Variants in PKD1 observed in about 807,000 individuals in gnomAD.
The protein encoded by PKD1 is polycystin-1.
PKD1 carries 81 observed loss-of-function variants against 361.7 expected under a neutral mutation model. The observed-to-expected ratio is 0.22, with a 90% CI of 0.19 to 0.27. The LOEUF (loss-of-function observed/expected upper bound fraction) is 0.27, where lower values mean the gene tolerates loss of function less well. Ranked by LOEUF, PKD1 falls within the 10% of genes least tolerant of loss-of-function variation. The pLI is 1.00. For synonymous variants in PKD1, 3,615 were observed against 2,818.3 expected (o/e 1.28, Z -8.95); for missense variants, 6,399 against 6,118.3 (o/e 1.05, Z -1.53).
chr16:2,097,587 G>A (rs2151727694), intron 32 of PKD1, 84 bp from the exon 33 acceptor site: 14 of 1,608,562 alleles, frequency 8.7e-6, no homozygotes, highest in East Asian at 2.2e-5. Flanking sequence ...CGGACACCCT[G>A]GGCTTCCGAG....
chr16:2,104,158 G>A (rs866332909), intron 22 of PKD1, among the ~76,000 whole-genome samples: 6 of 9,560 alleles, frequency 6.3e-4, no homozygotes, highest in South Asian at 3.9e-3. Flanking sequence ...GAAAAGAGAA[G>A]GGAGAAGAAG....
intron 1 of PKD1, 79 bp from the exon 2 acceptor site, chr16:2,119,457 G>T (rs4018180): frequency 4.9e-6 from 4 of 816,906 alleles, no homozygotes; most frequent in East Asian, 2.6e-5. Context: ...CCCACACATT[G>T]CCAGCATCCC....
rs2091571469 is a variant in PKD1, at chr16:2,091,424, G to A, written c.11711C>T (p.Ser3904Leu). Residue 3904 changes from serine to leucine, a missense_variant and splice_region_variant, in exon 42 of 46, where the codon TCG becomes TTG. By Grantham distance (145) the Ser-to-Leu change is moderately radical (BLOSUM62 -2). Coordinates refer to ENST00000262304, the MANE Select transcript of PKD1 (RefSeq NM_001009944.3). ...SAGLSLPLLTSVCLLLFAVHF... is the reference protein window; with the variant it reads ...SAGLSLPLLTLVCLLLFAVHF... ...GGGTCTGGCCGGGGACGGGCGTACC[G>A]AGGTGAGCAGAGGCAGCGAGAGGCC... is the stretch of plus-strand genomic sequence containing the variant. 3 of 1,168,216 alleles carry A rather than the reference G, an allele frequency of 2.6e-6. No individual in the cohort carries two copies. Among genetic ancestry groups the A allele is most frequent in the African/African-American group, 1.7e-5 (1 of 59,770 alleles). The allele number at this position is 1,168,216 out of a possible 1,614,324, so 72.4% of individuals were successfully genotyped here.
Position 2,097,494 on chromosome 16 carries a change from G to C in PKD1, c.10230C>G (p.Cys3410Trp), listed in dbSNP as rs1395927794. Residue 3410 changes from cysteine (C) to tryptophan (W), a missense_variant, in exon 33 of 46, where the codon TGC becomes TGG. Coordinates refer to ENST00000262304, the MANE Select transcript of PKD1 (RefSeq NM_001009944.3). ...LFLDDSKSLV[C>W]WPSGEGTLSW... ...TGAGCGTTCCCTCGCCGGAGGGCCA[G>C]CACACCAGACTGCAGGTGGCGCGGG... The C allele has an allele frequency of 6.2e-7, 1 of 1,601,896 alleles. No homozygotes were observed.
chr16:2,105,368 G>C lies in PKD1; in HGVS notation c.7970C>G (p.Thr2657Ser). ...TETLVSLRVH[T>S]VDDIQQIAAA... ...AGCGATCTGCTGGATGTCATCCACA[G>C]TGTGGACCCTCAGGGACACCAGAGT... Residue 2657 changes from threonine (T) to serine (S), a missense_variant, in exon 21 of 46, where the codon ACT (threonine) becomes AGT (serine). Physicochemically the swap from Thr to Ser is moderately conservative, Grantham distance 58. Transcript: ENST00000262304. 6.3e-7 allele frequency: 1 copy of C among 1,590,066 alleles called. No homozygotes were observed. Among genetic ancestry groups the C allele is most frequent in the Non-Finnish European group, 8.5e-7 (1 of 1,174,926 alleles).
chr16:2,098,072 G>C, intron 30 of PKD1, 88 bp from the exon 31 acceptor site: 1 of 714,332 alleles, frequency 1.4e-6, no homozygotes, highest in South Asian at 1.5e-5. Flanking sequence ...AGACAGGACA[G>C]AGCCCGGTGC....
chr16:2,088,881 G>GCGCGCACACA lies in PKD1; in HGVS notation c.*845_*846insTGTGTGCGCG, dbSNP rs142285430. On this transcript the variant is annotated 3_prime_UTR_variant, in exon 46 of 46. Coordinates refer to ENST00000262304, the MANE Select transcript of PKD1 (RefSeq NM_001009944.3). The stretch of plus-strand genomic sequence containing the variant: ...ACAGCACACTCGCGCGTGCGCGCGC[G>GCGCGCACACA]CACACACACACACACACAGTCACCT... 16 of 421,482 alleles carry GCGCGCACACA rather than the reference G, an allele frequency of 3.8e-5. No homozygotes were observed. The highest frequency in any genetic ancestry group is 1.3e-4 in the African/African-American group (6 of 44,684). 26.1% of individuals were successfully genotyped at this position (421,482 alleles called of 1,614,324 possible).
At chr16:2,104,966 G>A (rs2092281965) in intron 21 of PKD1, among the ~76,000 whole-genome samples, 1 of 61,872 alleles carries the variant, frequency 1.6e-5, no homozygotes, top group African/African-American at 6.9e-5. Flanking sequence ...GAAGGGAAAG[G>A]GCTAGGGGAG....
chr16:2,120,216 A>C, intron 1 of PKD1: 1 of 267,166 alleles, frequency 3.7e-6, no homozygotes, highest in Admixed American at 4.9e-5. Context: ...TACCTCAAAA[A>C]TAAATAAATA....
In PKD1 at chr16:2,103,392, T is replaced by A. The variant is rs1414467726; in HGVS notation, c.8665A>T (p.Ser2889Cys). 6.2e-7 allele frequency: 1 copy of A among 1,600,220 alleles called. No homozygotes were observed. Among genetic ancestry groups the A allele is most frequent in the Admixed American group, 1.7e-5 (1 of 59,924 alleles). Residue 2889 changes from serine to cysteine, a missense_variant, in exon 23 of 46, where the codon AGC becomes TGC. Transcript: ENST00000262304. ...NSDWAARGHR[S>C]SANSANSVVV... ...ACGGAGTTGGCGGAGTTGGCGGAGCTGCGGTGGCCCCGGGCAGCCCAGTCC... is the reference window on the plus strand; with the variant it reads ...ACGGAGTTGGCGGAGTTGGCGGAGCAGCGGTGGCCCCGGGCAGCCCAGTCC...
intron 37 of PKD1, 44 bp downstream of exon 37, chr16:2,093,500 C>A: frequency 6.5e-7 from 1 of 1,546,238 alleles, no homozygotes. Flanking sequence ...AGGTGGGAGA[C>A]AAGAGACGGA....
chr16:2,118,471 G>A lies in PKD1; in HGVS notation c.530-9C>T. 1.5e-6 allele frequency: 2 copies of A among 1,290,326 alleles called. No individual in the cohort carries two copies. The highest frequency in any genetic ancestry group is 2.5e-5 in the East Asian group (1 of 40,198). 79.9% of individuals were successfully genotyped at this position (1,290,326 alleles called of 1,614,324 possible). On this transcript the variant is annotated splice_polypyrimidine_tract_variant and intron_variant, in intron 4 of 45. Coordinates refer to ENST00000262304, the MANE Select transcript of PKD1 (RefSeq NM_001009944.3). This position sits in a 1 kb window ranked among gnomAD's most constrained non-coding sequence, Gnocchi z 6.0. ...GGCGACATACTCCTCACCTAGAAGA[G>A]GCAGCCACTGGACCCCGGGTTCTGC...
chr16:2,122,705 TCCAGCGGCTGCGG>T (rs2092740973), intron 1 of PKD1, among the ~76,000 whole-genome samples: 1 of 152,208 alleles, frequency 6.6e-6, no homozygotes, highest in Non-Finnish European at 1.5e-5. Context: ...GGAGGGACTT[TCCAGCGGCTGCGG>T]CGGCAGCAGA....
Position 2,109,351 on chromosome 16 carries a change from C to T in PKD1, c.5816G>A (p.Ser1939Asn). The T allele has an allele frequency of 6.3e-7, 1 of 1,592,028 alleles. No individual in the cohort carries two copies. Among genetic ancestry groups the T allele is most frequent in the South Asian group, 1.1e-5 (1 of 90,630 alleles). The change falls in exon 15 of 46, where the codon AGC (serine) becomes AAC (asparagine). Residue 1939 changes from serine to asparagine, a missense_variant. By Grantham distance (46) the Ser-to-Asn change is conservative. Transcript: ENST00000262304. Reference protein sequence around the residue: ...EVLPGPRFSHSFPRVGDHVVS... With the variant: ...EVLPGPRFSHNFPRVGDHVVS... ...CACGTGGTCTCCGACGCGGGGGAAG[C>T]TGTGGGAGAAACGGGGCCCGGGGAG...
In PKD1 at chr16:2,102,640, A is replaced by C. The variant is rs1452939665; in HGVS notation, c.8949-7T>G. 2 of 1,610,940 alleles carry C rather than the reference A, an allele frequency of 1.2e-6. No homozygotes were observed. The highest frequency in any genetic ancestry group is 2.2e-5 in the East Asian group (1 of 44,880). On this transcript the variant is annotated splice_region_variant and splice_polypyrimidine_tract_variant and intron_variant, in intron 24 of 45. Transcript: ENST00000262304. The stretch of plus-strand genomic sequence containing the variant: ...CCCCGCTGGGTCTCTGCTCCTGGGC[A>C]GGGAAGGGGTAGCGGACGTGAGCCC...
intron 1 of PKD1, among the ~76,000 whole-genome samples, chr16:2,130,732 C>CA: frequency 6.6e-6 from 1 of 152,322 alleles, no homozygotes; most frequent in South Asian, 2.1e-4. Context: ...CAATCCCAGG[C>CA]AGGGGCCCCG....
intron 30 of PKD1, chr16:2,099,248 C>A: frequency 5.6e-6 from 2 of 355,652 alleles, no homozygotes; most frequent in South Asian, 4.3e-5. Context: ...AGGCGTGAGC[C>A]ACCACACCCG....
chr16:2,103,612 G>A lies in PKD1; in HGVS notation c.8445C>T (p.Ala2815=), dbSNP rs772834806. 5.6e-6 allele frequency: 9 copies of A among 1,610,350 alleles called. No homozygotes were observed. Among genetic ancestry groups the A allele is most frequent in the Non-Finnish European group, 5.9e-6 (7 of 1,179,736 alleles). Residue 2815 remains alanine (A), a synonymous_variant, in exon 23 of 46, where the codon GCC becomes GCT. Coordinates refer to ENST00000262304, the MANE Select transcript of PKD1 (RefSeq NM_001009944.3). ...HFSIPEAFSG[A]LANLSDVVQL... ...GCACCACGTCACTGAGGTTGGCCAG[G>A]GCCCCGCTGAAAGCCTCGGGGATGG...
At position 2,097,706 on chromosome 16, in the gene PKD1, G is replaced by A. The variant is rs562685673; in HGVS notation, c.10220+22C>T. 22 of 1,610,920 alleles carry A rather than the reference G, an allele frequency of 1.4e-5. No homozygotes were observed. The East Asian group carries it at 2.5e-4, about 18-fold the overall frequency. On this transcript the variant is annotated intron_variant, in intron 32 of 45. Transcript: ENST00000262304. ...GACACAGTGACCTGCACCAGGGCTC[G>A]AGGTTTCTCTAGGGAACCCACCTCT...
Sources: gnomAD v4.1 joint callset for allele counts (sites outside exome capture counted in the v4.1 genomes callset) on GRCh38, gnomAD v4.1.1 for gene constraint, Gnocchi (gnomAD v3.1) non-coding constraint, MANE v1.5 for transcripts, NCBI Gene and HGNC (gene_info 2026-07-23, HGNC 2026-07-21) for gene names.